The following RBM47 variants were observed in gnomAD, a reference collection of about 807,000 sequenced individuals.
The protein encoded by RBM47 is RNA-binding protein 47.
RBM47 carries 21 observed loss-of-function variants against 47.1 expected under a neutral mutation model. That is an observed-to-expected ratio of 0.45 (90% CI 0.32 to 0.64). The LOEUF (loss-of-function observed/expected upper bound fraction) is 0.64. Among genes scored for constraint, RBM47 ranks in the 30% least tolerant of loss-of-function variants. RBM47 has a pLI of 0.05. For synonymous variants in RBM47, 375 were observed against 361.7 expected (o/e 1.04, Z -0.42); for missense variants, 708 against 870.9 (o/e 0.81, Z 2.35).
chr4:40,446,156 G>A (rs1463015861), intron 3 of RBM47, among the ~76,000 whole-genome samples: 1 of 152,174 alleles, frequency 6.6e-6, no homozygotes, highest in East Asian at 1.9e-4. Flanking sequence ...AATGTTTACT[G>A]AATGTCTATT....
intron 2 of RBM47, among the ~76,000 whole-genome samples, chr4:40,486,544 A>C (rs1011358641): frequency 3.3e-5 from 5 of 152,158 alleles, no homozygotes; most frequent in African/African-American, 9.7e-5. Flanking sequence ...CATGCCTGTA[A>C]TCCCAGTACT....
chr4:40,427,861 A>G (rs895466243), intron 6 of RBM47, among the ~76,000 whole-genome samples: 30 of 151,700 alleles, frequency 2.0e-4, no homozygotes, highest in African/African-American at 7.2e-4. Context: ...ATTTATAATA[A>G]TTTTAATTTA....
In RBM47 at chr4:40,431,071, AAAAAATC is replaced by A. The variant is rs1329519882; in HGVS notation, c.1542+1573_1542+1579del. Among the ~76,000 whole-genome samples, 4 of 151,518 alleles carry A rather than the reference AAAAAATC, an allele frequency of 2.6e-5. No homozygotes were observed. In the East Asian group the frequency reaches 5.8e-4, roughly 22 times the overall value. On this transcript the variant is annotated intron_variant, in intron 6 of 6. Coordinates refer to ENST00000295971, the MANE Select transcript of RBM47 (RefSeq NM_001098634.2). ...TGGGTGACAGAGTGAGACTGTCTCA[AAAAAATC>A]AAAAATCAAAAATCAAAAAAAGTGG...
At chr4:40,604,464 A>C (rs529556694) in intron 1 of RBM47, among the ~76,000 whole-genome samples, 1 of 152,206 alleles carries the variant, frequency 6.6e-6, no homozygotes, top group South Asian at 2.1e-4. Context: ...ATGTCTAAAA[A>C]ATTGTTTTAA....
At chr4:40,467,226 A>G (rs1404791771) in intron 2 of RBM47, among the ~76,000 whole-genome samples, 1 of 152,082 alleles carries the variant, frequency 6.6e-6, no homozygotes, top group Non-Finnish European at 1.5e-5. Flanking sequence ...TACTCCAGCT[A>G]TCCACTACCA....
intron 1 of RBM47, among the ~76,000 whole-genome samples, chr4:40,606,098 T>G (rs1214965881): frequency 6.7e-6 from 1 of 149,182 alleles, no homozygotes; most frequent in Non-Finnish European, 1.5e-5. Context: ...CTCAGGAGGC[T>G]GAGGCAGGAG....
intron 2 of RBM47, among the ~76,000 whole-genome samples, chr4:40,468,550 A>G (rs1328647298): frequency 6.6e-6 from 1 of 152,206 alleles, no homozygotes; most frequent in African/African-American, 2.4e-5. Flanking sequence ...GACTCCATAG[A>G]GCACAGTTGG....
chr4:40,489,789 G>A (rs1483749206), intron 2 of RBM47, among the ~76,000 whole-genome samples: 3 of 152,136 alleles, frequency 2.0e-5, no homozygotes, highest in Non-Finnish European at 4.4e-5. Context: ...CCAAAAAACA[G>A]AAGGGACTAG....
At chr4:40,469,631 GA>G (rs1718556705) in intron 2 of RBM47, among the ~76,000 whole-genome samples, 2 of 150,574 alleles carry the variant, frequency 1.3e-5, no homozygotes, top group African/African-American at 4.9e-5. Flanking sequence ...CAGATCAAAT[GA>G]AATAGATTGT....
chr4:40,620,219 A>AG (rs1737137623), intron 1 of RBM47, among the ~76,000 whole-genome samples: 1 of 140,690 alleles, frequency 7.1e-6, no homozygotes, highest in South Asian at 2.2e-4. Context: ...AAAAAAAAAA[A>AG]ACTCTGGGCC....
intron 1 of RBM47, among the ~76,000 whole-genome samples, chr4:40,581,196 A>G (rs1369591007): frequency 6.6e-6 from 1 of 151,962 alleles, no homozygotes; most frequent in East Asian, 1.9e-4. Flanking sequence ...CCGAGATGGG[A>G]AGGTTGCTTG....
intron 2 of RBM47, among the ~76,000 whole-genome samples, chr4:40,478,140 C>T (rs374126266): frequency 1.3e-5 from 2 of 151,914 alleles, no homozygotes; most frequent in East Asian, 3.9e-4. Flanking sequence ...CTCAGCCTCC[C>T]GAGTAGCTGG....
chr4:40,460,558 C>T (rs1716960227), intron 3 of RBM47, among the ~76,000 whole-genome samples: 2 of 152,134 alleles, frequency 1.3e-5, no homozygotes, highest in Admixed American at 1.3e-4. Flanking sequence ...GCCTGTAATC[C>T]CAGCTACTTG....
At chr4:40,545,545 T>TC (rs1214563363) in intron 1 of RBM47, among the ~76,000 whole-genome samples, 2 of 148,506 alleles carry the variant, frequency 1.3e-5, no homozygotes, top group Admixed American at 1.3e-4. Flanking sequence ...GCACCTGTAG[T>TC]CCCAGCTACT....
intron 1 of RBM47, among the ~76,000 whole-genome samples, chr4:40,620,161 A>G (rs1205182060): frequency 1.4e-5 from 2 of 140,226 alleles, no homozygotes; most frequent in Non-Finnish European, 3.0e-5. Flanking sequence ...ACACCATTGC[A>G]CTCCAGCCTG....
intron 1 of RBM47, among the ~76,000 whole-genome samples, chr4:40,551,132 A>C (rs1729522104): frequency 6.6e-6 from 1 of 152,138 alleles, no homozygotes; most frequent in South Asian, 2.1e-4. Flanking sequence ...AAGGTAACTG[A>C]GAGTGAATGT....
intron 1 of RBM47, among the ~76,000 whole-genome samples, chr4:40,600,775 TC>T (rs1339467795): frequency 1.1e-4 from 16 of 151,226 alleles, no homozygotes; most frequent in African/African-American, 3.9e-4. Context: ...TCACCTGAGG[TC>T]GGGAGTTCAA....
intron 1 of RBM47, among the ~76,000 whole-genome samples, chr4:40,603,058 C>G (rs36065756): frequency 0.41 from 61,199 of 150,046 alleles, 12,694 homozygotes; most frequent in African/African-American, 0.51. Context: ...ACTCCTCAGT[C>G]AACTTTAACA....
intron 2 of RBM47, among the ~76,000 whole-genome samples, chr4:40,528,932 G>A (rs934119583): frequency 1.5e-5 from 2 of 135,646 alleles, no homozygotes; most frequent in Admixed American, 7.3e-5. Context: ...GACAGAGCGA[G>A]ACTCCGTCTC....
Sources: gnomAD v4.1 joint callset for allele counts (sites outside exome capture counted in the v4.1 genomes callset) on GRCh38, gnomAD v4.1.1 for gene constraint, MANE v1.5 for transcripts, NCBI Gene and HGNC (gene_info 2026-07-23, HGNC 2026-07-21) for gene names.